TTN: variants seen among roughly 807,000 people sequenced by gnomAD.
TTN encodes connectin.
In TTN, 1,525 loss-of-function variants were observed where a neutral mutation model predicts 3,223.0. The ratio of observed to expected loss-of-function variants is 0.47; its 90% confidence interval spans 0.45 to 0.49. The LOEUF is 0.49. Among genes scored for constraint, TTN ranks in the 20% least tolerant of loss-of-function variants. The probability of loss-of-function intolerance (pLI) is 0.00; values close to 1 mark genes in which losing one functional copy is unlikely to be tolerated. For synonymous variants in TTN, 14,094 were observed against 15,161.0 expected, an observed-to-expected ratio of 0.93 and a Z score of 5.17; for missense variants, 40,786 against 43,424.0, an observed-to-expected ratio of 0.94 and a Z score of 5.40.
Position 178,542,420 on chromosome 2 carries a change from C to T in TTN, c.97336G>A (p.Gly32446Arg). 6.2e-7 allele frequency: 1 copy of T among 1,613,662 alleles called. No individual in the cohort carries two copies. ...VVEQRDAHRP[G>R]WLPVSESVTR... ...ACTGATTCAGAAACGGGCAGCCATC[C>T]TGGACGATGAGCGTCACGTTGTTCT... The change falls in exon 349 of 363, where the codon GGA becomes AGA. Residue 32446 changes from glycine (G) to arginine (R), a missense_variant. Coordinates refer to ENST00000589042, the MANE Select transcript of TTN (RefSeq NM_001267550.2).
rs35770337 is a variant in TTN, at chr2:178,689,003, A to ATTTT, written c.32095+46_32095+49dup. 455 of 1,006,628 alleles carry ATTTT rather than the reference A, an allele frequency of 4.5e-4. 6 individuals carry two copies. Among genetic ancestry groups the ATTTT allele is most frequent in the Admixed American group, 1.4e-3 (62 of 45,788 alleles). The allele number at this position is 1,006,628 out of a possible 1,614,324, so 62.4% of individuals were successfully genotyped here. A position where few individuals can be genotyped will look rare whatever the true frequency, so the allele number is the denominator to read the frequency against. On this transcript the variant is annotated intron_variant, in intron 125 of 362. Coordinates refer to ENST00000589042, the MANE Select transcript of TTN (RefSeq NM_001267550.2). ...AAGCAAGAATTTAACACACTCGAAG[A>ATTTT]TTTTTTTTTTTTTTTTTTTTTTTTG...
rs376583582 is a variant in TTN, at chr2:178,729,469, T to G, written c.18687A>C (p.Glu6229Asp). 1.9e-6 allele frequency: 3 copies of G among 1,613,502 alleles called. No homozygotes were observed. In the African/African-American group the frequency reaches 4.0e-5, roughly 22 times the overall value. The change falls in exon 64 of 363, where the codon GAA becomes GAC. Residue 6229 changes from glutamate (E) to aspartate (D), a missense_variant. Coordinates refer to ENST00000589042, the MANE Select transcript of TTN (RefSeq NM_001267550.2). ...ECEVTGTPPF[E>D]VTWLKNNREI... is the part of the protein sequence containing the mutation. ...CCCTGTTATTCTTCAGCCAAGTGAC[T>G]TCAAACGGAGGTGTTCCCGTAACTT...
rs75798346 is a variant in TTN, at chr2:178,783,522, A to G, written c.2841+198T>C. Among the ~76,000 whole-genome samples the G allele has an allele frequency of 0.017, 2,552 of 151,718 alleles. 74 individuals carry two copies. Among genetic ancestry groups the G allele is most frequent in the East Asian group, 0.13 (656 of 5,186 alleles). On this transcript the variant is annotated intron_variant, in intron 17 of 362. Transcript: ENST00000589042. ...AATCTTTTGAATCCATGAATGATGT[A>G]CCACATAGAATTCCCTTCTTCCTTG...
intron 88 of TTN, 91 bp from the exon 89 acceptor site, chr2:178,715,865 G>C (rs2077406930): frequency 3.8e-6 from 5 of 1,305,194 alleles, no homozygotes; most frequent in African/African-American, 1.5e-5. Context: ...TTGCTAGAGA[G>C]GTCTTTAGCT....
In TTN at chr2:178,677,883, T is replaced by TACAGGA. The variant is rs1242626199; in HGVS notation, c.34023_34028dup (p.Pro11342_Val11343dup). 2 of 1,609,666 alleles carry TACAGGA rather than the reference T, an allele frequency of 1.2e-6. No homozygotes were observed. Among genetic ancestry groups the TACAGGA allele is most frequent in the Non-Finnish European group, 8.5e-7 (1 of 1,178,264 alleles). On this transcript the variant is annotated inframe_insertion, in exon 146 of 363. Transcript: ENST00000589042. ...GAACTTCCTCTTCCTGAGGTAGAGC[T>TACAGGA]ACAGGAACTGGAACTGGTTCACGTT...
chr2:178,626,141 T>C (rs1173713680), intron 240 of TTN, among the ~76,000 whole-genome samples: 1 of 152,002 alleles, frequency 6.6e-6, no homozygotes, highest in Non-Finnish European at 1.5e-5. Context: ...GTAAACCTTA[T>C]GTTCTGTATG....
chr2:178,664,181 CT>C (rs1205325485), intron 168 of TTN, 83 bp from the exon 169 acceptor site: 3 of 1,343,914 alleles, frequency 2.2e-6, no homozygotes, highest in Admixed American at 2.4e-5. Flanking sequence ...AACAAAAGAG[CT>C]ATTTTTTTCT....
chr2:178,621,075 A>G, intron 246 of TTN, 27 bp downstream of exon 246: 7 of 1,607,630 alleles, frequency 4.4e-6, no homozygotes, highest in Non-Finnish European at 5.1e-6. Context: ...AACAAACAAA[A>G]AACCCTAAAA....
intron 330 of TTN, 80 bp from the exon 331 acceptor site, chr2:178,555,232 GTCA>G: frequency 7.6e-7 from 1 of 1,307,512 alleles, no homozygotes. Flanking sequence ...TTAAAGTAAG[GTCA>G]TTGGCCATTA....
chr2:178,781,499 A>C (rs2092756267), intron 20 of TTN, among the ~76,000 whole-genome samples: 1 of 152,244 alleles, frequency 6.6e-6, no homozygotes, highest in African/African-American at 2.4e-5. Context: ...TGCTAGAATC[A>C]GTCATGAAAT....
Position 178,575,909 on chromosome 2 carries a change from T to C in TTN, c.70223A>G (p.Tyr23408Cys). The change falls in exon 326 of 363, where the codon TAT (tyrosine) becomes TGT (cysteine). Residue 23408 changes from tyrosine to cysteine, a missense_variant. Coordinates refer to ENST00000589042, the MANE Select transcript of TTN (RefSeq NM_001267550.2). The surrounding 1 kb of genome is among the most constrained non-coding windows in gnomAD (Gnocchi z 4.0). ...GGTCATGACAAATTTACCGGTATCA[T>C]ATCTGTTACATTCTGGGATAATCAG... The part of the protein sequence containing the change: ...TLLIIPECNR[Y>C]DTGKFVMTIE... 6.2e-7 allele frequency: 1 copy of C among 1,613,626 alleles called. No homozygotes were observed. Among genetic ancestry groups the C allele is most frequent in the Non-Finnish European group, 8.5e-7 (1 of 1,179,630 alleles).
rs752645675 is a variant in TTN at position 178,615,419 on chromosome 2, A to G, written c.48526T>C (p.Trp16176Arg). The G allele has an allele frequency of 1.2e-6, 2 of 1,612,584 alleles. No individual in the cohort carries two copies. The highest frequency in any genetic ancestry group is 1.1e-5 in the South Asian group (1 of 91,020). Reference sequence around the variant, plus strand: ...CCACCATCATTTTTAGGTGGATCCCATGTTAAGAAGATGCTATTGGCTGTT... The same window carrying G: ...CCACCATCATTTTTAGGTGGATCCCGTGTTAAGAAGATGCTATTGGCTGTT... Reference protein sequence around the residue: ...DRTANSIFLTWDPPKNDGGSR... With the variant: ...DRTANSIFLTRDPPKNDGGSR... The change falls in exon 259 of 363, where the codon TGG becomes CGG. Residue 16176 changes from tryptophan to arginine, a missense_variant. Physicochemically the swap from Trp to Arg is moderately radical, Grantham distance 101. Transcript: ENST00000589042.
At position 178,568,346 on chromosome 2, in the gene TTN, T is replaced by C. The variant is rs750283007; in HGVS notation, c.77786A>G (p.Gln25929Arg). 1.2e-6 allele frequency: 2 copies of C among 1,613,308 alleles called. No homozygotes were observed. The highest frequency in any genetic ancestry group is 4.5e-5 in the East Asian group (2 of 44,764). ...TACTGTGGTGGTTGTATCTCTTTTC[T>C]GAACAATGTAGTTGGTGATTTGGCA... ...GGCQITNYIV[Q>R]KRDTTTTVWD... Residue 25929 changes from glutamine (Q) to arginine (R), a missense_variant, in exon 326 of 363, where the codon CAG becomes CGG. Physicochemically the swap from Gln to Arg is conservative, Grantham distance 43. Transcript: ENST00000589042.
At chr2:178,726,296 C>T (rs750926282) in intron 69 of TTN, 4 of 345,512 alleles carry the variant, frequency 1.2e-5, no homozygotes, top group Non-Finnish European at 1.6e-5. Flanking sequence ...ATCTACTACA[C>T]CTTACTGATG....
At chr2:178,629,730 G>C (rs1270797474) in intron 239 of TTN, among the ~76,000 whole-genome samples, 2 of 151,980 alleles carry the variant, frequency 1.3e-5, no homozygotes, top group Non-Finnish European at 2.9e-5. Context: ...TGCTACATAA[G>C]GTATGTGACT....
Position 178,630,930 on chromosome 2 carries a change from T to C in TTN, c.44028A>G (p.Lys14676=). 1 of 1,611,284 alleles carries C rather than the reference T, an allele frequency of 6.2e-7. No homozygotes were observed. The change falls in exon 238 of 363, where the codon AAA becomes AAG. Residue 14676 remains lysine (K), a synonymous_variant. Coordinates refer to ENST00000589042, the MANE Select transcript of TTN (RefSeq NM_001267550.2). The stretch of plus-strand genomic sequence containing the variant: ...CCACACTGTGCAGGGGTCGCACCAG[T>C]TTAATTTCCCGATCTAGAAAAGTGA... ...GKLDIEDREI[K]LVRPLHSVEV...
In TTN at chr2:178,618,743, T is replaced by C; in HGVS notation, c.46807A>G (p.Lys15603Glu). The C allele has an allele frequency of 6.2e-7, 1 of 1,611,856 alleles. No individual in the cohort carries two copies. The highest frequency in any genetic ancestry group is 8.5e-7 in the Non-Finnish European group (1 of 1,178,802). The stretch of plus-strand genomic sequence containing the variant: ...TTTGTAGATAAAGGTTCATTTTCTT[T>C]AAACCATTCAGCTTCTGCTTTGGGG... ...AYPKAEAEWF[K>E]ENEPLSTKTI... The change falls in exon 251 of 363, where the codon AAA becomes GAA. Residue 15603 changes from lysine (K) to glutamate (E), a missense_variant. By Grantham distance (56) the Lys-to-Glu change is moderately conservative. Coordinates refer to ENST00000589042, the MANE Select transcript of TTN (RefSeq NM_001267550.2).
At position 178,733,126 on chromosome 2, in the gene TTN, G is replaced by A; in HGVS notation, c.16055-5C>T. 4 of 1,580,288 alleles carry A rather than the reference G, an allele frequency of 2.5e-6. No homozygotes were observed. Among genetic ancestry groups the A allele is most frequent in the Non-Finnish European group, 3.4e-6 (4 of 1,161,792 alleles). On this transcript the variant is annotated splice_region_variant and splice_polypyrimidine_tract_variant and intron_variant, in intron 54 of 362. Coordinates refer to ENST00000589042, the MANE Select transcript of TTN (RefSeq NM_001267550.2). ...AAAATGGAGCAATGTCTCGATCTGTGTGTTGCACAAGAAGGGAGAAAAGGT... is the reference window on the plus strand; with the variant it reads ...AAAATGGAGCAATGTCTCGATCTGTATGTTGCACAAGAAGGGAGAAAAGGT...
At chr2:178,689,918 T>C in intron 121 of TTN, 22 bp from the exon 122 acceptor site, 1 of 1,596,900 alleles carries the variant, frequency 6.3e-7, no homozygotes, top group Non-Finnish European at 8.6e-7. Context: ...TGAAACACAA[T>C]GTTAGTTCAG....
Sources: allele counts gnomAD v4.1 joint callset (sites outside exome capture counted in the v4.1 genomes callset), GRCh38; gene constraint gnomAD v4.1.1; non-coding constraint Gnocchi (gnomAD v3.1); transcripts MANE v1.5; gene names NCBI Gene and HGNC (gene_info 2026-07-23, HGNC 2026-07-21).